The following PCDHGA3 variants were observed in gnomAD, a reference collection of about 807,000 sequenced individuals.
The protein encoded by PCDHGA3 is protocadherin gamma subfamily A, 3.
PCDHGA3 carries 40 observed loss-of-function variants against 58.5 expected under a neutral mutation model. That is an observed-to-expected ratio of 0.68 (90% CI 0.53 to 0.89). The LOEUF (loss-of-function observed/expected upper bound fraction) is 0.89. Among genes scored for constraint, PCDHGA3 ranks in the 40% least tolerant of loss-of-function variants. The pLI is 0.00. For missense variants in PCDHGA3, 1,223 were observed against 1,195.9 expected (o/e 1.02, Z -0.33); for synonymous variants, 530 against 525.7 (o/e 1.01, Z -0.11).
intron 1 of PCDHGA3, chr5:141,375,437 T>G (rs763678633): frequency 3.1e-6 from 5 of 1,613,964 alleles, no homozygotes; most frequent in Non-Finnish European, 4.2e-6. Flanking sequence ...CCCGCCCACC[T>G]TCCCCCATTC....
At chr5:141,403,251 C>G (rs1276332038) in intron 1 of PCDHGA3, 41 of 1,613,756 alleles carry the variant, frequency 2.5e-5, no homozygotes, top group Non-Finnish European at 3.4e-5. Context: ...GCTCAGAGCC[C>G]GCGGTGTCTG....
intron 1 of PCDHGA3, chr5:141,393,816 A>T: frequency 6.2e-7 from 1 of 1,613,988 alleles, no homozygotes; most frequent in South Asian, 1.1e-5. Context: ...CAAATTGCTC[A>T]TTTCGGTGGA....
intron 1 of PCDHGA3, among the ~76,000 whole-genome samples, chr5:141,464,630 T>C (rs981288560): frequency 1.3e-5 from 2 of 152,176 alleles, no homozygotes; most frequent in African/African-American, 4.8e-5. Context: ...AGCTTTTTAA[T>C]TGTTGCCAAC....
At position 141,477,896 on chromosome 5, in the gene PCDHGA3, G is replaced by A. The variant is rs1444527086; in HGVS notation, c.2425-16911G>A. 2 of 1,614,174 alleles carry A rather than the reference G, an allele frequency of 1.2e-6. No individual in the cohort carries two copies. Among genetic ancestry groups the A allele is most frequent in the Non-Finnish European group, 1.7e-6 (2 of 1,180,038 alleles). ...AGCTGGCCACCTAGTGTCACGGGTG[G>A]TAGGCTGGGACGCGGATGCAGGGCA... On this transcript the variant is annotated intron_variant, in intron 1 of 3. Coordinates refer to ENST00000253812, the MANE Select transcript of PCDHGA3 (RefSeq NM_018916.4). The surrounding 1 kb of genome is among the most constrained non-coding windows in gnomAD (Gnocchi z 4.9).
At chr5:141,350,261 A>T in intron 1 of PCDHGA3, 1 of 1,510,486 alleles carries the variant, frequency 6.6e-7, no homozygotes, top group Non-Finnish European at 8.8e-7. Context: ...AGTTCCTGAA[A>T]TGCAGAGAGC....
intron 1 of PCDHGA3, chr5:141,423,316 G>C (rs1424301976): frequency 1.2e-6 from 2 of 1,614,044 alleles, no homozygotes; most frequent in Non-Finnish European, 1.7e-6. Context: ...CTTGGTGGTG[G>C]CGGTGGCCGC....
At chr5:141,403,414 T>C (rs373392812) in intron 1 of PCDHGA3, 142 of 1,613,926 alleles carry the variant, frequency 8.8e-5, no homozygotes, top group Middle Eastern at 1.6e-4. Context: ...GTTATCCACT[T>C]CCAGAAGCTA....
At chr5:141,430,774 A>G (rs1269572813) in intron 1 of PCDHGA3, 11 of 1,508,872 alleles carry the variant, frequency 7.3e-6, no homozygotes, top group Non-Finnish European at 8.8e-7. Context: ...TTCCTGCGCG[A>G]CTGCACCGGG....
intron 1 of PCDHGA3, chr5:141,384,294 C>G: frequency 6.2e-7 from 1 of 1,613,864 alleles, no homozygotes; most frequent in Non-Finnish European, 8.5e-7. Flanking sequence ...CTGAGAACAA[C>G]CCCAGAGGGG....
At chr5:141,449,280 C>G (rs934214922) in intron 1 of PCDHGA3, among the ~76,000 whole-genome samples, 1 of 151,944 alleles carries the variant, frequency 6.6e-6, no homozygotes, top group East Asian at 1.9e-4. Context: ...CTCCTTCACC[C>G]GGATGCACCG....
intron 1 of PCDHGA3, chr5:141,375,556 G>A (rs750283278): frequency 2.9e-5 from 47 of 1,614,044 alleles, no homozygotes; most frequent in Non-Finnish European, 4.0e-5. Context: ...CCTACTCACT[G>A]GCAGAAGACA....
chr5:141,372,493 C>G lies in PCDHGA3; in HGVS notation c.2424+26036C>G, dbSNP rs998007585. On this transcript the variant is annotated intron_variant, in intron 1 of 3. Transcript: ENST00000253812. ...CTAGTAGTGGCGTTGGCCTTGATCT[C>G]AGTGCTCTTCCTCCTCGCGGTGATT... is the stretch of plus-strand genomic sequence containing the variant. 5 of 1,614,058 alleles carry G rather than the reference C, an allele frequency of 3.1e-6. No individual in the cohort carries two copies. In the African/African-American group the frequency reaches 4.0e-5, roughly 13 times the overall value.
intron 1 of PCDHGA3, chr5:141,383,629 C>G: frequency 6.2e-7 from 1 of 1,613,960 alleles, no homozygotes; most frequent in Non-Finnish European, 8.5e-7. Context: ...TGTCTTCTCT[C>G]TGCCTCAGTA....
chr5:141,430,686 C>G, intron 1 of PCDHGA3: 1 of 1,397,218 alleles, frequency 7.2e-7, no homozygotes, highest in Non-Finnish European at 9.5e-7. Context: ...CTGTCCCATT[C>G]TATGGGCGAA....
rs1316573600 is a variant in PCDHGA3 at position 141,490,443 on chromosome 5, G to A, written c.2425-4364G>A. The A allele has an allele frequency of 1.2e-6, 2 of 1,614,174 alleles. No individual in the cohort carries two copies. Among genetic ancestry groups the A allele is most frequent in the Non-Finnish European group, 8.5e-7 (1 of 1,180,042 alleles). On this transcript the variant is annotated intron_variant, in intron 1 of 3. Coordinates refer to ENST00000253812, the MANE Select transcript of PCDHGA3 (RefSeq NM_018916.4). The surrounding 1 kb of genome is among the most constrained non-coding windows in gnomAD (Gnocchi z 5.4). ...TGCCATTTCAGATTAAGCCTTCTGA[G>A]AACCACTACTCGCTGCTAACCAGCC...
At chr5:141,375,150 T>C in intron 1 of PCDHGA3, 3 of 1,613,946 alleles carry the variant, frequency 1.9e-6, no homozygotes, top group Non-Finnish European at 2.5e-6. Flanking sequence ...AGCAGAACAA[T>C]TGCTGAAAGT....
At chr5:141,435,306 T>C (rs2154556603) in intron 1 of PCDHGA3, among the ~76,000 whole-genome samples, 1 of 152,358 alleles carries the variant, frequency 6.6e-6, no homozygotes, top group East Asian at 1.9e-4. Flanking sequence ...TGGTTTTAAA[T>C]CATTCATGAA....
chr5:141,366,544 G>A (rs368873957), intron 1 of PCDHGA3: 4 of 1,614,230 alleles, frequency 2.5e-6, no homozygotes, highest in Admixed American at 1.7e-5. Flanking sequence ...TGCCCGCCTC[G>A]CACTTTGTGG....
At chr5:141,415,468 G>A (rs762272586) in intron 1 of PCDHGA3, 8 of 1,614,070 alleles carry the variant, frequency 5.0e-6, no homozygotes, top group East Asian at 2.2e-5. Context: ...CTCTCTCACC[G>A]CGGACTCGCG....
Sources: gnomAD v4.1 joint callset for allele counts (sites outside exome capture counted in the v4.1 genomes callset) on GRCh38, gnomAD v4.1.1 for gene constraint, Gnocchi (gnomAD v3.1) non-coding constraint, MANE v1.5 for transcripts, NCBI Gene and HGNC (gene_info 2026-07-23, HGNC 2026-07-21) for gene names.